The following TIPARP variants were observed in gnomAD, a reference collection of about 807,000 sequenced individuals.
The protein encoded by TIPARP is TCDD inducible poly(ADP-ribose) polymerase.
Under a neutral mutation model 56.5 loss-of-function variants are expected in TIPARP, and 12 were observed. The ratio of observed to expected loss-of-function variants is 0.21; its 90% confidence interval spans 0.14 to 0.34. The LOEUF is 0.34. Among genes scored for constraint, TIPARP ranks in the 10% least tolerant of loss-of-function variants. The probability of loss-of-function intolerance (pLI) is 1.00; values close to 1 mark genes in which losing one functional copy is unlikely to be tolerated. For missense variants in TIPARP, 604 were observed against 781.6 expected, an observed-to-expected ratio of 0.77 and a Z score of 2.71; for synonymous variants, 296 against 265.7, an observed-to-expected ratio of 1.11 and a Z score of -1.11.
At chr3:156,686,303 G>A (rs1722427141) in intron 2 of TIPARP, among the ~76,000 whole-genome samples, 1 of 152,052 alleles carries the variant, frequency 6.6e-6, no homozygotes, top group Admixed American at 6.5e-5. Flanking sequence ...TAGAAACTTG[G>A]CTTTGTAGAA....
intron 3 of TIPARP, among the ~76,000 whole-genome samples, chr3:156,694,733 A>G (rs1020351486): frequency 6.6e-6 from 1 of 152,204 alleles, no homozygotes; most frequent in Admixed American, 6.5e-5. Context: ...CTTCAGTCTC[A>G]AAGCAAGGTT....
chr3:156,678,361 C>G lies in TIPARP; in HGVS notation c.664C>G (p.Leu222Val). ...CAAAAGTGAAGAGGCTTCCCTTGAC[C>G]TCGTGTTTGAGCTGGTGAACCAGTT... ...QDKSEEASLD[L>V]VFELVNQLQY... Residue 222 changes from leucine (L) to valine (V), a missense_variant, in exon 2 of 6, where the codon CTC becomes GTC. Leu to Val is a conservative substitution (Grantham distance 32). Around this residue, in one of 4 missense-constraint regions of TIPARP, gnomAD observed 261 missense variants for 279.2 expected, o/e 0.93. Coordinates refer to ENST00000295924, the MANE Select transcript of TIPARP (RefSeq NM_015508.5). 1 of 1,614,204 alleles carries G rather than the reference C, an allele frequency of 6.2e-7. No homozygotes were observed. Among genetic ancestry groups the G allele is most frequent in the Non-Finnish European group, 8.5e-7 (1 of 1,180,028 alleles).
intron 2 of TIPARP, among the ~76,000 whole-genome samples, chr3:156,693,502 G>A (rs1326532807): frequency 6.6e-6 from 1 of 152,070 alleles, no homozygotes; most frequent in African/African-American, 2.4e-5. Flanking sequence ...TTGATGTTGG[G>A]TGGATTAATA....
chr3:156,703,852 AAAT>A lies in TIPARP; in HGVS notation c.1526+152_1526+154del, dbSNP rs1045513292. ...CACGGTGAAACCCCGTCTCTACTAAAAATAGAAAAAATTAGCTGGGCGTGGTGG... is the reference window on the plus strand; with the variant it reads ...CACGGTGAAACCCCGTCTCTACTAAAAGAAAAAATTAGCTGGGCGTGGTGG... On this transcript the variant is annotated intron_variant, in intron 5 of 5. Coordinates refer to ENST00000295924, the MANE Select transcript of TIPARP (RefSeq NM_015508.5). 15 of 788,080 alleles carry A rather than the reference AAAT, an allele frequency of 1.9e-5. No individual in the cohort carries two copies. In the African/African-American group the frequency reaches 2.5e-4, roughly 13 times the overall value. 48.8% of individuals were successfully genotyped at this position (788,080 alleles called of 1,614,324 possible). A position where few individuals can be genotyped will look rare whatever the true frequency, so the allele number is the denominator to read the frequency against.
chr3:156,681,271 T>C (rs1297182291), intron 2 of TIPARP: 1 of 450,126 alleles, frequency 2.2e-6, no homozygotes, highest in Non-Finnish European at 4.5e-6. Flanking sequence ...CTGTGCAGAT[T>C]GCGCATAACC....
At position 156,694,175 on chromosome 3, in the gene TIPARP, G is replaced by C. The variant is rs750560844; in HGVS notation, c.1073G>C (p.Arg358Thr). The C allele has an allele frequency of 6.9e-6, 11 of 1,601,386 alleles. No individual in the cohort carries two copies. Among genetic ancestry groups the C allele is most frequent in the Non-Finnish European group, 9.4e-6 (11 of 1,176,188 alleles). Residue 358 changes from arginine (R) to threonine (T), a missense_variant, in exon 3 of 6, where the codon AGA becomes ACA. By Grantham distance (71) the Arg-to-Thr change is moderately conservative. Transcript: ENST00000295924. ...TTCTGTAGGGACCACTTTGGATGGA[G>C]AGAGTATCCCGAGGTATTTACAGAT... is the stretch of plus-strand genomic sequence containing the variant. ...KFFCRDHFGW[R>T]EYPESVIRLI...
intron 2 of TIPARP, among the ~76,000 whole-genome samples, chr3:156,688,177 C>T (rs1043930286): frequency 6.6e-6 from 1 of 152,004 alleles, no homozygotes; most frequent in East Asian, 1.9e-4. Context: ...TTGCTTGAGA[C>T]CAGCCCAGGC....
intron 2 of TIPARP, among the ~76,000 whole-genome samples, chr3:156,685,850 G>A (rs1320712078): frequency 1.3e-5 from 2 of 152,202 alleles, no homozygotes; most frequent in South Asian, 2.1e-4. Flanking sequence ...AGTAGTGCAT[G>A]TGCTTTCAGA....
intron 4 of TIPARP, among the ~76,000 whole-genome samples, chr3:156,697,324 A>G (rs187533150): frequency 2.0e-3 from 297 of 151,968 alleles, no homozygotes; most frequent in African/African-American, 6.9e-3. Context: ...CTTCTGTGTG[A>G]GGGTAAGAAT....
chr3:156,699,376 A>G (rs764334139), intron 4 of TIPARP, among the ~76,000 whole-genome samples: 2 of 152,210 alleles, frequency 1.3e-5, no homozygotes, highest in Non-Finnish European at 2.9e-5. Context: ...ATAAATTGCC[A>G]CTGCCACCTC....
intron 2 of TIPARP, among the ~76,000 whole-genome samples, chr3:156,685,412 CCTT>C (rs965883536): frequency 6.6e-6 from 1 of 152,208 alleles, no homozygotes; most frequent in African/African-American, 2.4e-5. Context: ...TTCCTTTTCA[CCTT>C]CTACAGAAAC....
chr3:156,693,838 G>A (rs1722640022), intron 2 of TIPARP, among the ~76,000 whole-genome samples, 182 bp from the exon 3 acceptor site: 1 of 152,168 alleles, frequency 6.6e-6, no homozygotes, highest in Non-Finnish European at 1.5e-5. Context: ...GGGCATGTAG[G>A]AAATGGATGC....
intron 2 of TIPARP, among the ~76,000 whole-genome samples, chr3:156,690,675 A>G (rs563930513): frequency 6.6e-6 from 1 of 152,168 alleles, no homozygotes; most frequent in Non-Finnish European, 1.5e-5. Context: ...CTTCTGGTTC[A>G]TGATAGGGCT....
chr3:156,696,175 A>G (rs1168739388), intron 4 of TIPARP, 150 bp downstream of exon 4: 2 of 787,118 alleles, frequency 2.5e-6, no homozygotes, highest in Non-Finnish European at 3.8e-6. Context: ...TTAATTCCTC[A>G]ACAAATTGAG....
At chr3:156,685,448 C>T (rs1722407630) in intron 2 of TIPARP, among the ~76,000 whole-genome samples, 2 of 152,286 alleles carry the variant, frequency 1.3e-5, no homozygotes, top group African/African-American at 4.8e-5. Context: ...AGTATGTGTA[C>T]CACAAAAAGT....
chr3:156,675,417 T>TA (rs1722096207), intron 1 of TIPARP: 1 of 152,002 alleles, frequency 6.6e-6, no homozygotes, highest in East Asian at 1.9e-4. Context: ...AAAGAAGAAT[T>TA]AGAGAGAGAA....
intron 2 of TIPARP, among the ~76,000 whole-genome samples, 154 bp downstream of exon 2, chr3:156,678,768 T>G (rs1005053754): frequency 1.3e-5 from 2 of 151,818 alleles, no homozygotes; most frequent in African/African-American, 4.9e-5. Context: ...TTTTTCATGG[T>G]GGGTGAATGC....
chr3:156,681,187 C>T, intron 2 of TIPARP: 1 of 456,586 alleles, frequency 2.2e-6, no homozygotes, highest in Non-Finnish European at 4.4e-6. Flanking sequence ...TGGAGCAGCC[C>T]AGGTTCACAT....
At chr3:156,704,107 T>C (rs1722920557) in intron 5 of TIPARP, among the ~76,000 whole-genome samples, 1 of 152,158 alleles carries the variant, frequency 6.6e-6, no homozygotes, top group African/African-American at 2.4e-5. Context: ...ACAGAATTTA[T>C]GTTCATATTT....
Sources: allele counts gnomAD v4.1 joint callset (sites outside exome capture counted in the v4.1 genomes callset), GRCh38; gene constraint gnomAD v4.1.1; regional missense constraint gnomAD v4.1.1; transcripts MANE v1.5; gene names NCBI Gene and HGNC (gene_info 2026-07-23, HGNC 2026-07-21).